The following OR51B5 variants were observed in gnomAD, a reference collection of about 807,000 sequenced individuals.
OR51B5 encodes olfactory receptor 51B5.
For synonymous variants in OR51B5, 186 were observed against 144.8 expected, an observed-to-expected ratio of 1.28 and a Z score of -2.04; for missense variants, 456 against 374.6, an observed-to-expected ratio of 1.22 and a Z score of -1.79.
At chr11:5,490,460 T>C (rs1233402481) in intron 1 of OR51B5, among the ~76,000 whole-genome samples, 1 of 152,184 alleles carries the variant, frequency 6.6e-6, no homozygotes, top group Non-Finnish European at 1.5e-5. Context: ...CCCACACTCA[T>C]CCATTTTGAG....
At chr11:5,487,808 T>C (rs418003) in intron 1 of OR51B5, among the ~76,000 whole-genome samples, 146,225 of 152,192 alleles carry the variant, frequency 0.96, 70,281 homozygotes, top group South Asian at 0.99. Flanking sequence ...GCTGGCTTTG[T>C]CATGGTTGAG....
At chr11:5,344,221 A>ATAAG (rs1479848404), upstream of OR51B5, among the ~76,000 whole-genome samples, 2 of 152,242 alleles carry the variant, frequency 1.3e-5, no homozygotes, top group African/African-American at 4.8e-5. Flanking sequence ...CAGTCTAATT[A>ATAAG]TAAGTTAGAC....
chr11:5,467,286 C>T (rs918670575), intron 1 of OR51B5, among the ~76,000 whole-genome samples: 1 of 152,092 alleles, frequency 6.6e-6, no homozygotes, highest in Non-Finnish European at 1.5e-5. Context: ...CTTTTCTCTC[C>T]TCGTTGCTTA....
At chr11:5,483,273 C>A (rs540051077) in intron 1 of OR51B5, among the ~76,000 whole-genome samples, 1 of 137,444 alleles carries the variant, frequency 7.3e-6, no homozygotes, top group Non-Finnish European at 1.5e-5. Context: ...AACCAAACAC[C>A]GCATATTCTC....
chr11:5,407,197 T>C (rs1309183000), intron 1 of OR51B5, among the ~76,000 whole-genome samples: 1 of 152,150 alleles, frequency 6.6e-6, no homozygotes, highest in Non-Finnish European at 1.5e-5. Context: ...TTTGTGATAA[T>C]TTTTGAGCTA....
At chr11:5,361,600 T>C (rs888364576) in intron 1 of OR51B5, among the ~76,000 whole-genome samples, 1 of 152,170 alleles carries the variant, frequency 6.6e-6, no homozygotes, top group Non-Finnish European at 1.5e-5. Flanking sequence ...GGAAATGCAG[T>C]AATGTATCAG....
At position 5,464,368 on chromosome 11, in the gene OR51B5, A is replaced by G. The variant is rs1045795258; in HGVS notation, n.84+41201T>C. ...TTAGTTACATATGTATACATGTGCCATGCTGGTGCGCTGCACCCACTAACT... is the reference window on the plus strand; with the variant it reads ...TTAGTTACATATGTATACATGTGCCGTGCTGGTGCGCTGCACCCACTAACT... On this transcript the variant is annotated intron_variant and non_coding_transcript_variant, in intron 1 of 4. Transcript: ENST00000415970. Among the ~76,000 whole-genome samples the G allele has an allele frequency of 2.0e-5, 3 of 152,066 alleles. No homozygotes were observed. The South Asian group carries it at 6.2e-4, about 31-fold the overall frequency.
chr11:5,415,121 T>G (rs1850219843), intron 1 of OR51B5, among the ~76,000 whole-genome samples: 1 of 151,942 alleles, frequency 6.6e-6, no homozygotes, highest in African/African-American at 2.4e-5. Flanking sequence ...ATTAAGAAAC[T>G]CACTCAAAAC....
intron 1 of OR51B5, among the ~76,000 whole-genome samples, chr11:5,413,028 G>A (rs957790296): frequency 5.1e-4 from 27 of 52,604 alleles, no homozygotes; most frequent in Middle Eastern, 0.01. Context: ...CTTACTGGGA[G>A]GCACCCCCCA....
chr11:5,489,762 C>T, intron 1 of OR51B5: 1 of 839,104 alleles, frequency 1.2e-6, no homozygotes, highest in South Asian at 1.7e-5. Flanking sequence ...AATGGTATGA[C>T]ATGGCAGGAA....
At chr11:5,436,907 A>T (rs936734949) in intron 1 of OR51B5, among the ~76,000 whole-genome samples, 18 of 152,120 alleles carry the variant, frequency 1.2e-4, no homozygotes, top group Non-Finnish European at 2.6e-4. Context: ...ACCAGAACTC[A>T]CAATGGCTCT....
intron 1 of OR51B5, among the ~76,000 whole-genome samples, chr11:5,371,910 C>G (rs181869592): frequency 1.8e-4 from 28 of 152,134 alleles, no homozygotes; most frequent in African/African-American, 6.3e-4. Flanking sequence ...CCTATTTTCT[C>G]TTTCTTTCTT....
chr11:5,376,188 T>C (rs1009426521), intron 1 of OR51B5, among the ~76,000 whole-genome samples: 18 of 151,864 alleles, frequency 1.2e-4, no homozygotes, highest in Middle Eastern at 3.2e-3. Flanking sequence ...ACATGGAAAC[T>C]GAACAACCTG....
At chr11:5,355,704 C>A (rs903090061) in intron 1 of OR51B5, 4 of 151,438 alleles carry the variant, frequency 2.6e-5, no homozygotes, top group Non-Finnish European at 5.9e-5. Flanking sequence ...GTTATGTTTT[C>A]AGTGGTGTGT....
At chr11:5,456,960 T>C (rs1850969131) in intron 1 of OR51B5, among the ~76,000 whole-genome samples, 1 of 152,206 alleles carries the variant, frequency 6.6e-6, no homozygotes, top group Non-Finnish European at 1.5e-5. Flanking sequence ...GCCTGCTCCA[T>C]CTTCACCTTC....
At chr11:5,393,115 A>T (rs1849821455) in intron 1 of OR51B5, 1 of 152,208 alleles carries the variant, frequency 6.6e-6, no homozygotes, top group Non-Finnish European at 1.5e-5. Flanking sequence ...GATAAATTAA[A>T]AATTTAGGAT....
At chr11:5,455,568 A>AAAGAGAGAGAGAAAGAGAAAGAGAGAG (rs1554893749) in intron 1 of OR51B5, 2 of 135,318 alleles carry the variant, frequency 1.5e-5, no homozygotes, top group African/African-American at 2.8e-5. Flanking sequence ...AAGGGGGGAG[A>AAAGAGAGAGAGAAAGAGAAAGAGAGAG]GAGAGAGAGA....
At position 5,503,011 on chromosome 11, in the gene OR51B5, A is replaced by C. The variant is rs142373924; in HGVS notation, n.84+2558T>G. ...GGGTAATAACTTGGAAAAATTCATG[A>C]TATATTACCAAGTTAAAAAGGTAGG... On this transcript the variant is annotated intron_variant and non_coding_transcript_variant, in intron 1 of 4. Coordinates refer to the OR51B5 transcript ENST00000415970. Among the ~76,000 whole-genome samples the C allele has an allele frequency of 6.2e-3, 948 of 152,328 alleles. 10 individuals carry two copies. Among genetic ancestry groups the C allele is most frequent in the African/African-American group, 0.022 (895 of 41,580 alleles).
chr11:5,485,574 ATC>A (rs1406394890), intron 1 of OR51B5, among the ~76,000 whole-genome samples: 1 of 152,082 alleles, frequency 6.6e-6, no homozygotes, highest in African/African-American at 2.4e-5. Context: ...TGGCCTAAGG[ATC>A]TAGCCTATCT....
Sources: gnomAD v4.1 joint callset for allele counts (sites outside exome capture counted in the v4.1 genomes callset) on GRCh38, gnomAD v4.1.1 for gene constraint, MANE v1.5 for transcripts, NCBI Gene and HGNC (gene_info 2026-07-23, HGNC 2026-07-21) for gene names.